SLCO3A1: variants seen among roughly 807,000 people sequenced by gnomAD.
The protein encoded by SLCO3A1 is PGE1 transporter.
In SLCO3A1, 27 loss-of-function variants were observed where a neutral mutation model predicts 63.1. That is an observed-to-expected ratio of 0.43 (90% CI 0.32 to 0.59). The LOEUF is 0.59. Ranked by LOEUF, SLCO3A1 falls within the 20% of genes least tolerant of loss-of-function variation. The probability of loss-of-function intolerance (pLI) is 0.09; values close to 1 mark genes in which losing one functional copy is unlikely to be tolerated. For missense variants in SLCO3A1, 773 were observed against 945.8 expected (o/e 0.82, Z 2.40); for synonymous variants, 473 against 409.9 (o/e 1.15, Z -1.86).
chr15:92,110,174 C>G (rs1034610776), intron 4 of SLCO3A1, among the ~76,000 whole-genome samples: 1 of 152,140 alleles, frequency 6.6e-6, no homozygotes, highest in African/African-American at 2.4e-5. Flanking sequence ...CTCCTGGGTC[C>G]TTGTAACCTC....
chr15:92,095,797 C>A (rs1231715293), intron 3 of SLCO3A1, among the ~76,000 whole-genome samples: 1 of 152,158 alleles, frequency 6.6e-6, no homozygotes, highest in Admixed American at 6.5e-5. Flanking sequence ...CATTCTCAGC[C>A]CCCCAGGCCC....
At chr15:91,949,634 A>G (rs1041084173) in intron 2 of SLCO3A1, among the ~76,000 whole-genome samples, 27 of 152,024 alleles carry the variant, frequency 1.8e-4, no homozygotes, top group Admixed American at 1.8e-3. Flanking sequence ...TGTCCCCCCA[A>G]AAGAAGAGTA....
chr15:92,088,243 G>A (rs1361296592), intron 2 of SLCO3A1, among the ~76,000 whole-genome samples: 5 of 152,142 alleles, frequency 3.3e-5, no homozygotes, highest in Non-Finnish European at 5.9e-5. Context: ...GCACTGGGGC[G>A]AAATAGGAAT....
chr15:92,059,859 G>C (rs1005888415), intron 2 of SLCO3A1, among the ~76,000 whole-genome samples: 1 of 152,132 alleles, frequency 6.6e-6, no homozygotes, highest in Non-Finnish European at 1.5e-5. Flanking sequence ...TGAGAAATGC[G>C]TCGTTAGGCA....
chr15:92,038,951 A>G (rs2151485788), intron 2 of SLCO3A1, among the ~76,000 whole-genome samples: 1 of 152,302 alleles, frequency 6.6e-6, no homozygotes, highest in African/African-American at 2.4e-5. Context: ...ATAACACCAC[A>G]CATCTACAAC....
At chr15:92,129,057 C>G (rs1056658288) in intron 7 of SLCO3A1, among the ~76,000 whole-genome samples, 3 of 152,202 alleles carry the variant, frequency 2.0e-5, no homozygotes, top group Non-Finnish European at 2.9e-5. Context: ...TTTCCACGCT[C>G]TCTCCCTGAA....
intron 1 of SLCO3A1, among the ~76,000 whole-genome samples, chr15:91,898,629 A>G (rs1284017869): frequency 6.6e-6 from 1 of 151,852 alleles, no homozygotes; most frequent in African/African-American, 2.4e-5. Context: ...GTGGGTTGAC[A>G]TCTTCTTCTT....
chr15:92,163,206 G>GGCCGGGCGCGGTGGCTCACGC lies in SLCO3A1; in HGVS notation c.*71_*72insGCCGGGCGCGGTGGCTCACGC. 1 of 1,435,982 alleles carries GGCCGGGCGCGGTGGCTCACGC rather than the reference G, an allele frequency of 7.0e-7. No homozygotes were observed. Among genetic ancestry groups the GGCCGGGCGCGGTGGCTCACGC allele is most frequent in the South Asian group, 1.7e-5 (1 of 59,512 alleles). 89.0% of individuals were successfully genotyped at this position (1,435,982 alleles called of 1,614,324 possible). ...TTTTTTCTTAAAAAAAGAAAAAAAGGTTCCAAAAAAAACCAAAACTCAGTA... is the reference window on the plus strand; with the variant it reads ...TTTTTTCTTAAAAAAAGAAAAAAAGGGCCGGGCGCGGTGGCTCACGCTTCCAAAAAAAACCAAAACTCAGTA... On this transcript the variant is annotated 3_prime_UTR_variant, in exon 10 of 10. Transcript: ENST00000318445.
chr15:91,880,489 A>T (rs189409037), intron 1 of SLCO3A1, among the ~76,000 whole-genome samples: 1 of 151,486 alleles, frequency 6.6e-6, no homozygotes, highest in Admixed American at 6.6e-5. Context: ...CAGGATATAG[A>T]ATCTGCTGTA....
intron 1 of SLCO3A1, among the ~76,000 whole-genome samples, chr15:91,880,110 C>CGTCT: frequency 7.8e-5 from 6 of 76,554 alleles, no homozygotes; most frequent in Admixed American, 3.7e-4. Flanking sequence ...TCCGTCCGTC[C>CGTCT]GTCCGTCCGT....
intron 9 of SLCO3A1, among the ~76,000 whole-genome samples, chr15:92,156,189 GGAAGAAGCAA>G (rs1255305783): frequency 6.6e-6 from 1 of 152,216 alleles, no homozygotes; most frequent in Non-Finnish European, 1.5e-5. Context: ...GTGCTGCTTT[GGAAGAAGCAA>G]GCACAGCATG....
intron 2 of SLCO3A1, among the ~76,000 whole-genome samples, chr15:91,989,389 T>C (rs1193444785): frequency 1.3e-4 from 20 of 152,226 alleles, no homozygotes; most frequent in Admixed American, 1.3e-3. Flanking sequence ...TGCAGTTTTG[T>C]GGCCCCCGTT....
At chr15:91,868,734 A>G (rs1897227014) in intron 1 of SLCO3A1, among the ~76,000 whole-genome samples, 1 of 152,208 alleles carries the variant, frequency 6.6e-6, no homozygotes, top group African/African-American at 2.4e-5. Context: ...TGTGAATACC[A>G]AATGAGAGAA....
At chr15:92,098,939 C>G (rs968466883) in intron 3 of SLCO3A1, among the ~76,000 whole-genome samples, 1 of 152,240 alleles carries the variant, frequency 6.6e-6, no homozygotes, top group African/African-American at 2.4e-5. Context: ...GTTTCCACAG[C>G]TAGGGATAGA....
At chr15:91,861,459 G>C (rs377427541) in intron 1 of SLCO3A1, among the ~76,000 whole-genome samples, 1 of 152,034 alleles carries the variant, frequency 6.6e-6, no homozygotes, top group African/African-American at 2.4e-5. Context: ...TAGTAGAAAC[G>C]GTGTTAACAG....
chr15:92,097,725 C>T (rs982579863), intron 3 of SLCO3A1, among the ~76,000 whole-genome samples: 5 of 151,964 alleles, frequency 3.3e-5, no homozygotes, highest in South Asian at 2.1e-4. Flanking sequence ...GCGTCCTTCC[C>T]GGAGGCACCG....
At chr15:92,030,442 G>A (rs941696704) in intron 2 of SLCO3A1, among the ~76,000 whole-genome samples, 12 of 152,150 alleles carry the variant, frequency 7.9e-5, no homozygotes, top group African/African-American at 2.7e-4. Context: ...ATTATATTTC[G>A]TGCTAGAGCC....
intron 2 of SLCO3A1, among the ~76,000 whole-genome samples, chr15:91,982,091 G>A (rs757274210): frequency 5.3e-5 from 8 of 152,274 alleles, no homozygotes; most frequent in Non-Finnish European, 7.3e-5. Flanking sequence ...CAGCATGCCA[G>A]ATTCTGGCCC....
intron 2 of SLCO3A1, among the ~76,000 whole-genome samples, chr15:92,066,425 TG>T (rs2047152531): frequency 6.6e-6 from 1 of 152,240 alleles, no homozygotes; most frequent in Non-Finnish European, 1.5e-5. Context: ...CCATAGGGTC[TG>T]GGATGCTGAA....
Sources: allele counts gnomAD v4.1 joint callset (sites outside exome capture counted in the v4.1 genomes callset), GRCh38; gene constraint gnomAD v4.1.1; transcripts MANE v1.5; gene names NCBI Gene and HGNC (gene_info 2026-07-23, HGNC 2026-07-21).